Variants in FXN observed in about 807,000 individuals in gnomAD.
FXN encodes frataxin, mitochondrial.
In FXN, 14 loss-of-function variants were observed where a neutral mutation model predicts 22.4. That is an observed-to-expected ratio of 0.62 (90% confidence interval 0.41 to 0.98). FXN has a LOEUF of 0.98. Among genes scored for constraint, FXN ranks in the 50% least tolerant of loss-of-function variants. The pLI is 0.00. For missense variants in FXN, 267 were observed against 268.4 expected, an observed-to-expected ratio of 0.99 and a Z score of 0.04; for synonymous variants, 120 against 114.1, an observed-to-expected ratio of 1.05 and a Z score of -0.33.
chr9:69,035,834 C>A lies in FXN; in HGVS notation c.52C>A (p.Pro18Thr), dbSNP rs1275914423. The A allele has an allele frequency of 1.3e-6, 2 of 1,512,854 alleles. No homozygotes were observed. The highest frequency in any genetic ancestry group is 5.2e-5 in the East Asian group (2 of 38,660). 93.7% of individuals were successfully genotyped at this position (1,512,854 alleles called of 1,614,324 possible). A position where few individuals can be genotyped will look rare whatever the true frequency, so the allele number is the denominator to read the frequency against. Reference protein sequence around the residue: ...AVAGLLASPSPAQAQTLTRVP... With the variant: ...AVAGLLASPSTAQAQTLTRVP... The stretch of plus-strand genomic sequence containing the variant: ...AGCCGGCCTCCTGGCGTCACCCAGC[C>A]CAGCCCAGGCCCAGACCCTCACCCG... The change falls in exon 1 of 5, where the codon CCA becomes ACA. Residue 18 changes from proline (P) to threonine (T), a missense_variant. Pro to Thr is a conservative substitution (Grantham distance 38). Coordinates refer to ENST00000484259, the MANE Select transcript of FXN (RefSeq NM_000144.5).
intron 4 of FXN, 21 bp from the exon 5 acceptor site, chr9:69,072,591 T>A: frequency 1.2e-6 from 2 of 1,614,058 alleles, no homozygotes; most frequent in Non-Finnish European, 8.5e-7. Flanking sequence ...GGAATTACTA[T>A]GCATTTGTTT....
intron 3 of FXN, among the ~76,000 whole-genome samples, chr9:69,056,260 T>C (rs1342637365): frequency 2.0e-5 from 3 of 152,120 alleles, no homozygotes; most frequent in Non-Finnish European, 2.9e-5. Context: ...CCTCTGGCCA[T>C]AACTGAAAAA....
intron 3 of FXN, among the ~76,000 whole-genome samples, chr9:69,063,060 G>A (rs571891336): frequency 6.6e-6 from 1 of 152,172 alleles, no homozygotes; most frequent in South Asian, 2.1e-4. Flanking sequence ...AAATTAGACA[G>A]GTGTGGTGTC....
chr9:69,073,334 G>A lies in FXN; in HGVS notation c.*572G>A. The A allele has an allele frequency of 2.0e-6, 2 of 995,456 alleles. No homozygotes were observed. Among genetic ancestry groups the A allele is most frequent in the Non-Finnish European group, 2.4e-6 (2 of 835,616 alleles). 61.7% of individuals were successfully genotyped at this position (995,456 alleles called of 1,614,324 possible). A position where few individuals can be genotyped will look rare whatever the true frequency, so the allele number is the denominator to read the frequency against. ...TTATTTGTGCTCTGTGACTGCCAAGGTGTGGCCTGCACTGGGTTGTCCAGG... is the reference window on the plus strand; with the variant it reads ...TTATTTGTGCTCTGTGACTGCCAAGATGTGGCCTGCACTGGGTTGTCCAGG... On this transcript the variant is annotated 3_prime_UTR_variant, in exon 5 of 5. Transcript: ENST00000484259.
rs112046543 is a variant in FXN, at chr9:69,073,830, T to C, written c.*1068T>C. ...GACAAAGAACAGTTTTTAAGCTATA[T>C]AGGAAACATTGTTATTGGTGTTGCC... On this transcript the variant is annotated 3_prime_UTR_variant, in exon 5 of 5. Coordinates refer to ENST00000484259, the MANE Select transcript of FXN (RefSeq NM_000144.5). 1 of 985,332 alleles carries C rather than the reference T, an allele frequency of 1.0e-6. No homozygotes were observed. The highest frequency in any genetic ancestry group is 1.2e-6 in the Non-Finnish European group (1 of 829,860). 61.0% of individuals were successfully genotyped at this position (985,332 alleles called of 1,614,324 possible). A position where few individuals can be genotyped will look rare whatever the true frequency, so the allele number is the denominator to read the frequency against.
rs187428209 is a variant in FXN, at chr9:69,039,910, G to A, written c.165+3963G>A. 2.2e-3 allele frequency among the ~76,000 whole-genome samples: 336 copies of A among 152,258 alleles called. 1 individual carries two copies. Among genetic ancestry groups the A allele is most frequent in the Admixed American group, 6.0e-3 (91 of 15,272 alleles). On this transcript the variant is annotated intron_variant, in intron 1 of 4. Transcript: ENST00000484259. The stretch of plus-strand genomic sequence containing the variant: ...TTGCAGAGTATTGAGGCGGCACCGG[G>A]CGTCATATGGTAAGGGGCTGAGTGT...
intron 3 of FXN, among the ~76,000 whole-genome samples, chr9:69,059,391 CTTTTTTTTTTTTTT>C (rs35159671): frequency 1.6e-5 from 1 of 62,996 alleles, no homozygotes; most frequent in Admixed American, 2.9e-4. Context: ...GAGGCAGCAT[CTTTTTTTTTTTTTT>C]TTTTTTTTTT....
At chr9:69,061,519 CT>C (rs978346189) in intron 3 of FXN, among the ~76,000 whole-genome samples, 1 of 151,360 alleles carries the variant, frequency 6.6e-6, no homozygotes, top group African/African-American at 2.4e-5. Flanking sequence ...TCTTTGAGCT[CT>C]TTTTTTTTAT....
At chr9:69,055,932 G>A (rs1395593002) in intron 3 of FXN, among the ~76,000 whole-genome samples, 2 of 152,048 alleles carry the variant, frequency 1.3e-5, no homozygotes, top group East Asian at 3.8e-4. Flanking sequence ...CACCCAGGCT[G>A]GAGTGCAGTG....
At chr9:69,040,008 T>C (rs2133093828) in intron 1 of FXN, among the ~76,000 whole-genome samples, 1 of 152,304 alleles carries the variant, frequency 6.6e-6, no homozygotes, top group African/African-American at 2.4e-5. Flanking sequence ...CATTAATCTA[T>C]GAATGGATTA....
In FXN at chr9:69,073,027, TC is replaced by T. The variant is rs539816192; in HGVS notation, c.*266del. On this transcript the variant is annotated 3_prime_UTR_variant, in exon 5 of 5. Transcript: ENST00000484259. ...ATGATACCCCTTATCTTTTATAATGTCTTATGCCTATACCTGAATATAACAA... is the reference window on the plus strand; with the variant it reads ...ATGATACCCCTTATCTTTTATAATGTTTATGCCTATACCTGAATATAACAA... 406 of 1,380,064 alleles carry T rather than the reference TC, an allele frequency of 2.9e-4. 5 individuals are homozygous for T. The South Asian group carries it at 6.1e-3, about 21-fold the overall frequency. The allele number at this position is 1,380,064 out of a possible 1,614,324, so 85.5% of individuals were successfully genotyped here. A position where few individuals can be genotyped will look rare whatever the true frequency, so the allele number is the denominator to read the frequency against.
In FXN at chr9:69,073,558, C is replaced by T. The variant is rs879202304; in HGVS notation, c.*796C>T. 20 of 985,306 alleles carry T rather than the reference C, an allele frequency of 2.0e-5. No homozygotes were observed. Among genetic ancestry groups the T allele is most frequent in the African/African-American group, 1.7e-4 (10 of 57,304 alleles). The allele number at this position is 985,306 out of a possible 1,614,324, so 61.0% of individuals were successfully genotyped here. A position where few individuals can be genotyped will look rare whatever the true frequency, so the allele number is the denominator to read the frequency against. On this transcript the variant is annotated 3_prime_UTR_variant, in exon 5 of 5. Coordinates refer to ENST00000484259, the MANE Select transcript of FXN (RefSeq NM_000144.5). The stretch of plus-strand genomic sequence containing the variant: ...ACAAAATCATGGAGCTGAGGAGGTG[C>T]CTTGTAAACATGAAGGGGCAGATAA...
intron 3 of FXN, among the ~76,000 whole-genome samples, chr9:69,062,818 TACTTTATTGTTCTGTACACTTA>T (rs958167696): frequency 2.3e-4 from 35 of 151,980 alleles, no homozygotes; most frequent in Admixed American, 2.0e-4. Context: ...AGTGTGAATA[TACTTTATTGTTCTGTACACTTA>T]ACATGGTTAA....
chr9:69,047,082 G>A (rs59377764), intron 2 of FXN, among the ~76,000 whole-genome samples: 7 of 152,264 alleles, frequency 4.6e-5, no homozygotes, highest in East Asian at 1.9e-4. Context: ...ATAGTCTAGC[G>A]AGTGCCCTGG....
At chr9:69,068,118 G>C (rs1007151631) in intron 4 of FXN, among the ~76,000 whole-genome samples, 1 of 152,128 alleles carries the variant, frequency 6.6e-6, no homozygotes, top group Non-Finnish European at 1.5e-5. Context: ...AATTGGTAAC[G>C]AGCCTCAGAA....
At chr9:69,063,641 C>G (rs1039175010) in intron 3 of FXN, among the ~76,000 whole-genome samples, 1 of 152,104 alleles carries the variant, frequency 6.6e-6, no homozygotes, top group Non-Finnish European at 1.5e-5. Flanking sequence ...ATTATTGTTA[C>G]TACCCTCTGG....
At chr9:69,053,522 T>C (rs1831898520) in intron 3 of FXN, among the ~76,000 whole-genome samples, 1 of 152,010 alleles carries the variant, frequency 6.6e-6, no homozygotes, top group East Asian at 1.9e-4. Flanking sequence ...GATAGATAGA[T>C]AGATAGATAG....
intron 3 of FXN, among the ~76,000 whole-genome samples, chr9:69,060,123 C>T (rs931619907): frequency 6.6e-6 from 1 of 152,084 alleles, no homozygotes; most frequent in Non-Finnish European, 1.5e-5. Flanking sequence ...AATCCCAGCA[C>T]TTTGGGAGGC....
At chr9:69,035,969 AGCCGCGG>A (rs1831542207) in intron 1 of FXN, 22 bp downstream of exon 1, 1 of 1,428,414 alleles carries the variant, frequency 7.0e-7, no homozygotes, top group Non-Finnish European at 9.1e-7. Flanking sequence ...CGCCGGGAAC[AGCCGCGG>A]GCCGCACGCC....
Sources: allele counts gnomAD v4.1 joint callset (sites outside exome capture counted in the v4.1 genomes callset), GRCh38; gene constraint gnomAD v4.1.1; transcripts MANE v1.5; gene names NCBI Gene and HGNC (gene_info 2026-07-23, HGNC 2026-07-21).